MEIS1: variants seen among roughly 807,000 people sequenced by gnomAD.
MEIS1 encodes the protein Meis homeobox 1, also known as homeobox protein Meis1.
A neutral mutation model predicts 50.8 loss-of-function variants in MEIS1; 5 were observed. That is an observed-to-expected ratio of 0.10 (90% CI 0.05 to 0.21). The LOEUF (loss-of-function observed/expected upper bound fraction) is 0.21, where lower values mean the gene tolerates loss of function less well. Ranked by LOEUF, MEIS1 falls within the 10% of genes least tolerant of loss-of-function variation. The probability of loss-of-function intolerance (pLI) is 1.00; values close to 1 mark genes in which losing one functional copy is unlikely to be tolerated. For missense variants in MEIS1, 318 were observed against 517.3 expected, an observed-to-expected ratio of 0.61 and a Z score of 3.74; for synonymous variants, 176 against 179.3, an observed-to-expected ratio of 0.98 and a Z score of 0.15.
chr2:66,563,241 G>C (rs1411082698), intron 9 of MEIS1, among the ~76,000 whole-genome samples: 1 of 152,142 alleles, frequency 6.6e-6, no homozygotes. Context: ...GTATTTCATA[G>C]ATATGTATTT....
At chr2:66,528,272 GAGA>G in intron 8 of MEIS1, among the ~76,000 whole-genome samples, 1 of 152,156 alleles carries the variant, frequency 6.6e-6, no homozygotes. Context: ...GAAAAACCTA[GAGA>G]AGGAGAGACG....
chr2:66,449,367 T>C (rs1266653407), intron 6 of MEIS1, among the ~76,000 whole-genome samples: 1 of 152,158 alleles, frequency 6.6e-6, no homozygotes, highest in Non-Finnish European at 1.5e-5. Context: ...TTTGAATATT[T>C]TGCCATCCTT....
At chr2:66,533,485 A>G (rs1011762123) in intron 8 of MEIS1, among the ~76,000 whole-genome samples, 1 of 152,048 alleles carries the variant, frequency 6.6e-6, no homozygotes, top group Non-Finnish European at 1.5e-5. Context: ...GCACATCTAC[A>G]CTGTCAGTGT....
chr2:66,443,842 C>G (rs1279391230), intron 6 of MEIS1: 1 of 152,570 alleles, frequency 6.6e-6, no homozygotes, highest in African/African-American at 2.4e-5. Flanking sequence ...CGCCTTTGCT[C>G]TCAACTGAGG....
At chr2:66,527,289 G>A (rs1218711501) in intron 8 of MEIS1, among the ~76,000 whole-genome samples, 1 of 152,138 alleles carries the variant, frequency 6.6e-6, no homozygotes, top group Non-Finnish European at 1.5e-5. Flanking sequence ...ATGAAGTTGG[G>A]ACTGGAAACA....
chr2:66,561,407 G>C (rs1558564748), intron 9 of MEIS1, among the ~76,000 whole-genome samples: 1 of 152,024 alleles, frequency 6.6e-6, no homozygotes, highest in Non-Finnish European at 1.5e-5. Flanking sequence ...TTTTCATGAG[G>C]TTTAAATTCT....
chr2:66,512,857 T>C (rs1558545488), intron 8 of MEIS1, among the ~76,000 whole-genome samples: 1 of 152,302 alleles, frequency 6.6e-6, no homozygotes, highest in South Asian at 2.1e-4. Context: ...AACAGCAATA[T>C]AGAGTCAGCT....
At chr2:66,478,957 C>T (rs920151677) in intron 7 of MEIS1, among the ~76,000 whole-genome samples, 26 of 152,140 alleles carry the variant, frequency 1.7e-4, no homozygotes, top group African/African-American at 6.3e-4. Context: ...TTCTTATGAC[C>T]GCAATGGTGG....
intron 8 of MEIS1, among the ~76,000 whole-genome samples, chr2:66,519,640 T>G (rs1195357751): frequency 6.6e-6 from 1 of 152,186 alleles, no homozygotes; most frequent in Non-Finnish European, 1.5e-5. Flanking sequence ...GCAAAACGCC[T>G]TCACTCAGCA....
chr2:66,539,304 C>T (rs867788002), intron 8 of MEIS1, among the ~76,000 whole-genome samples: 1 of 152,310 alleles, frequency 6.6e-6, no homozygotes, highest in South Asian at 2.1e-4. Context: ...AAGATTGACT[C>T]TTCCTTCCAT....
At chr2:66,442,585 T>G (rs1022775763) in intron 5 of MEIS1, among the ~76,000 whole-genome samples, 1 of 152,118 alleles carries the variant, frequency 6.6e-6, no homozygotes. Flanking sequence ...AATTAAATAG[T>G]TTACCTTAAA....
intron 9 of MEIS1, among the ~76,000 whole-genome samples, chr2:66,560,981 G>A (rs933804254): frequency 6.6e-6 from 1 of 152,160 alleles, no homozygotes; most frequent in Non-Finnish European, 1.5e-5. Context: ...CAACTTTCTT[G>A]AATATCTTAA....
chr2:66,512,439 C>A, intron 8 of MEIS1, 145 bp downstream of exon 8: 3 of 866,372 alleles, frequency 3.5e-6, no homozygotes, highest in Non-Finnish European at 5.0e-6. Context: ...AAAGTATTAG[C>A]ACTTATTTCT....
intron 5 of MEIS1, 184 bp from the exon 6 acceptor site, chr2:66,442,718 C>A: frequency 1.8e-6 from 1 of 547,422 alleles, no homozygotes; most frequent in South Asian, 3.0e-5. Context: ...TGGGATATCT[C>A]TATTTTGCAA....
intron 7 of MEIS1, among the ~76,000 whole-genome samples, chr2:66,491,232 G>T (rs188248335): frequency 2.0e-5 from 3 of 152,268 alleles, no homozygotes; most frequent in Middle Eastern, 3.4e-3. Flanking sequence ...CCCACAATAG[G>T]TCAAAAGTGA....
intron 6 of MEIS1, among the ~76,000 whole-genome samples, chr2:66,445,549 G>A (rs940191870): frequency 2.0e-5 from 3 of 152,230 alleles, no homozygotes; most frequent in African/African-American, 7.2e-5. Flanking sequence ...CAGCCAGTTT[G>A]AGCCTCCGCA....
chr2:66,554,664 A>G (rs1675008031), intron 9 of MEIS1, among the ~76,000 whole-genome samples: 1 of 152,228 alleles, frequency 6.6e-6, no homozygotes, highest in Non-Finnish European at 1.5e-5. Flanking sequence ...CAGGACTCAA[A>G]GGACTCTTTT....
At chr2:66,457,990 A>G (rs183067573) in intron 6 of MEIS1, among the ~76,000 whole-genome samples, 2 of 152,328 alleles carry the variant, frequency 1.3e-5, no homozygotes, top group East Asian at 3.9e-4. Context: ...CTCCCCAAAG[A>G]GAAAGCCGCC....
intron 8 of MEIS1, among the ~76,000 whole-genome samples, chr2:66,537,146 G>A (rs1026848021): frequency 6.6e-6 from 1 of 152,192 alleles, no homozygotes; most frequent in Non-Finnish European, 1.5e-5. Context: ...CCTACAGACT[G>A]CTGGCAGCCT....
Sources: allele counts gnomAD v4.1 joint callset (sites outside exome capture counted in the v4.1 genomes callset), GRCh38; gene constraint gnomAD v4.1.1; transcripts MANE v1.5; gene names NCBI Gene and HGNC (gene_info 2026-07-23, HGNC 2026-07-21).